PPP1R13B: variants seen among roughly 807,000 people sequenced by gnomAD.
PPP1R13B encodes apoptosis-stimulating of p53 protein 1.
A neutral mutation model predicts 119.8 loss-of-function variants in PPP1R13B; 44 were observed. The observed-to-expected ratio is 0.37, with a 90% CI of 0.29 to 0.47. PPP1R13B has a LOEUF of 0.47. Among genes scored for constraint, PPP1R13B ranks in the 20% least tolerant of loss-of-function variants. The pLI is 0.99. For missense variants in PPP1R13B, 1,227 were observed against 1,413.5 expected (o/e 0.87, Z 2.12); for synonymous variants, 542 against 561.5 (o/e 0.97, Z 0.49).
chr14:103,848,280 G>A, upstream of PPP1R13B: 1 of 985,454 alleles, frequency 1.0e-6, no homozygotes, highest in Non-Finnish European at 1.2e-6. Context: ...ACCTGCGCCA[G>A]CATCCCTCGA....
chr14:103,739,721 T>C (rs1339128550), intron 12 of PPP1R13B, 103 bp downstream of exon 12: 3 of 1,349,510 alleles, frequency 2.2e-6, no homozygotes, highest in Non-Finnish European at 2.9e-6. Context: ...ACATCCCTGG[T>C]TCCCACTGCT....
intron 1 of PPP1R13B, among the ~76,000 whole-genome samples, chr14:103,813,691 T>C (rs1048455982): frequency 6.6e-6 from 1 of 152,194 alleles, no homozygotes; most frequent in Non-Finnish European, 1.5e-5. Flanking sequence ...TAGTTCTTTA[T>C]AGCAGGGTAA....
intron 7 of PPP1R13B, among the ~76,000 whole-genome samples, chr14:103,752,398 G>C (rs1052503902): frequency 6.6e-6 from 1 of 152,124 alleles, no homozygotes; most frequent in African/African-American, 2.4e-5. Flanking sequence ...TAAGAGGTGC[G>C]GGCCTTTTTT....
At chr14:103,820,187 G>A (rs940886650) in intron 1 of PPP1R13B, among the ~76,000 whole-genome samples, 2 of 152,124 alleles carry the variant, frequency 1.3e-5, no homozygotes, top group African/African-American at 4.8e-5. Flanking sequence ...ATCCTATTAC[G>A]GACAACGCCC....
intron 3 of PPP1R13B, among the ~76,000 whole-genome samples, chr14:103,783,681 A>G (rs2085387695): frequency 6.6e-6 from 1 of 152,058 alleles, no homozygotes; most frequent in Non-Finnish European, 1.5e-5. Flanking sequence ...CCTCCCAAGT[A>G]GCTGAGACTA....
In PPP1R13B at chr14:103,754,144, T is replaced by C; in HGVS notation, c.557A>G (p.Gln186Arg). The C allele has an allele frequency of 2.5e-6, 4 of 1,614,154 alleles. No individual in the cohort carries two copies. The highest frequency in any genetic ancestry group is 3.4e-6 in the Non-Finnish European group (4 of 1,180,024). The change falls in exon 6 of 17, where the codon CAG (glutamine) becomes CGG (arginine). Residue 186 changes from glutamine to arginine, a missense_variant. Physicochemically the swap from Gln to Arg is conservative, Grantham distance 43 (BLOSUM62 1). Transcript: ENST00000202556. ...ACGAATTTTCTTCAGCTTGTTCTCC[T>C]GGGCTTCAACTCGTTCTTTCAATTT... The part of the protein sequence containing the change: ...LQKLKERVEA[Q>R]ENKLKKIRAM...
At chr14:103,805,575 A>C (rs1280388578) in intron 1 of PPP1R13B, among the ~76,000 whole-genome samples, 1 of 152,014 alleles carries the variant, frequency 6.6e-6, no homozygotes, top group Admixed American at 6.6e-5. Context: ...TGTCTCAAAA[A>C]AAAGGAAGGA....
At chr14:103,735,550 G>A (rs756020751) in intron 16 of PPP1R13B, among the ~76,000 whole-genome samples, 60 of 152,298 alleles carry the variant, frequency 3.9e-4, no homozygotes, top group Non-Finnish European at 7.1e-4. Context: ...TGGCAGCTCT[G>A]CAGGGCACAA....
chr14:103,746,609 A>G, intron 8 of PPP1R13B, 56 bp from the exon 9 acceptor site: 1 of 1,439,940 alleles, frequency 6.9e-7, no homozygotes. Flanking sequence ...AGAAGTCCTA[A>G]GCTTAGTGCA....
At chr14:103,796,915 C>A (rs112971374) in intron 2 of PPP1R13B, among the ~76,000 whole-genome samples, 1 of 152,166 alleles carries the variant, frequency 6.6e-6, no homozygotes, top group Non-Finnish European at 1.5e-5. Flanking sequence ...CAAGAGCATG[C>A]CACTGCACTC....
At chr14:103,842,977 A>G (rs1567166485) in intron 1 of PPP1R13B, among the ~76,000 whole-genome samples, 1 of 151,934 alleles carries the variant, frequency 6.6e-6, no homozygotes, top group Non-Finnish European at 1.5e-5. Flanking sequence ...ATCTTGTCTG[A>G]AAACAAACAA....
intron 1 of PPP1R13B, among the ~76,000 whole-genome samples, chr14:103,808,888 A>G (rs761880298): frequency 6.6e-6 from 1 of 152,036 alleles, no homozygotes; most frequent in Non-Finnish European, 1.5e-5. Context: ...TTTTTTTTAG[A>G]GACAGGATCT....
Position 103,755,963 on chromosome 14 carries a change from C to T in PPP1R13B, c.456+1687G>A, listed in dbSNP as rs142917698. ...GATAGTACAATGAAGTATATACAGT[C>T]ATTCAATAAATTTTAAAAAATCAGA... On this transcript the variant is annotated intron_variant, in intron 5 of 16. Coordinates refer to ENST00000202556, the MANE Select transcript of PPP1R13B (RefSeq NM_015316.3). Among the ~76,000 whole-genome samples, 233 of 152,192 alleles carry T rather than the reference C, an allele frequency of 1.5e-3. 5 individuals are homozygous for T. The East Asian group carries it at 0.038, about 25-fold the overall frequency.
chr14:103,765,289 T>C lies in PPP1R13B; in HGVS notation c.355-7538A>G, dbSNP rs74086573. Among the ~76,000 whole-genome samples the C allele has an allele frequency of 1.6e-3, 239 of 152,316 alleles. 1 individual carries two copies. The highest frequency in any genetic ancestry group is 5.5e-3 in the African/African-American group (227 of 41,552). Reference sequence around the variant, plus strand: ...TAACCTAGAATCAAAAAAATATATATTATTTGGAATAAAAAATTCCCTAAG... The same window carrying C: ...TAACCTAGAATCAAAAAAATATATACTATTTGGAATAAAAAATTCCCTAAG... On this transcript the variant is annotated intron_variant, in intron 4 of 16. Transcript: ENST00000202556.
chr14:103,803,620 G>A (rs1420246819), intron 1 of PPP1R13B, among the ~76,000 whole-genome samples: 1 of 152,070 alleles, frequency 6.6e-6, no homozygotes, highest in African/African-American at 2.4e-5. Context: ...TCCAGCCTGG[G>A]CAACAGAGCG....
At position 103,847,540 on chromosome 14, in the gene PPP1R13B, ACCT is replaced by A. The variant is rs1035783810; in HGVS notation, c.-236_-234del. 1.8e-4 allele frequency: 178 copies of A among 984,560 alleles called. No individual in the cohort carries two copies. The Middle Eastern group carries it at 4.2e-3, about 23-fold the overall frequency. The allele number at this position is 984,560 out of a possible 1,614,324, so 61.0% of individuals were successfully genotyped here. A position where few individuals can be genotyped will look rare whatever the true frequency, so the allele number is the denominator to read the frequency against. ...CCCGGCCGCCGCCGCCGCCGCCTCA[ACCT>A]CAGCCTCAGCCTCAGCCCCAGCCCG... On this transcript the variant is annotated 5_prime_UTR_variant, in exon 1 of 17. Transcript: ENST00000202556.
At chr14:103,791,831 A>G (rs889429649) in intron 2 of PPP1R13B, among the ~76,000 whole-genome samples, 9 of 152,218 alleles carry the variant, frequency 5.9e-5, no homozygotes, top group African/African-American at 2.2e-4. Flanking sequence ...AAAGATTTTT[A>G]AAAGCAAGTG....
At position 103,746,374 on chromosome 14, in the gene PPP1R13B, G is replaced by A. The variant is rs761350958; in HGVS notation, c.1149C>T (p.Ser383=). The change falls in exon 9 of 17, where the codon TCC becomes TCT. Residue 383 remains serine, a splice_region_variant and synonymous_variant. Transcript: ENST00000202556. ...ASNAAHGRSK[S]ANDGNWPTLK... is the part of the protein sequence containing the mutation. ...AGGAAGAGGGCCAGGACCACTCACCGGATTTGGATCTTCCATGAGCAGCAT... is the reference window on the plus strand; with the variant it reads ...AGGAAGAGGGCCAGGACCACTCACCAGATTTGGATCTTCCATGAGCAGCAT... The A allele has an allele frequency of 3.5e-5, 55 of 1,585,926 alleles. No homozygotes were observed. In the Middle Eastern group the frequency reaches 5.1e-4, roughly 15 times the overall value.
intron 2 of PPP1R13B, among the ~76,000 whole-genome samples, chr14:103,791,313 A>G (rs139625476): frequency 1.3e-3 from 201 of 152,300 alleles, no homozygotes; most frequent in Non-Finnish European, 2.4e-3. Flanking sequence ...ACAAACATCA[A>G]AGGCAAAAAC....
Sources: allele counts gnomAD v4.1 joint callset (sites outside exome capture counted in the v4.1 genomes callset), GRCh38; gene constraint gnomAD v4.1.1; transcripts MANE v1.5; gene names NCBI Gene and HGNC (gene_info 2026-07-23, HGNC 2026-07-21).